The following SH3TC2 variants were observed in gnomAD, a reference collection of about 807,000 sequenced individuals.
SH3TC2 encodes SH3 domain and tetratricopeptide repeat-containing protein 2.
In SH3TC2, 87 loss-of-function variants were observed where a neutral mutation model predicts 124.5. The ratio of observed to expected loss-of-function variants is 0.70; its 90% confidence interval spans 0.59 to 0.84. The LOEUF (loss-of-function observed/expected upper bound fraction) is 0.84, where lower values mean the gene tolerates loss of function less well. Ranked by LOEUF, SH3TC2 falls within the 40% of genes least tolerant of loss-of-function variation. The pLI is 0.00. For missense variants in SH3TC2, 1,536 were observed against 1,566.4 expected (o/e 0.98, Z 0.33); for synonymous variants, 634 against 628.5 (o/e 1.01, Z -0.13).
rs539955221 is a variant in SH3TC2, at chr5:149,019,994, T to C, written c.3053+6578A>G. Among the ~76,000 whole-genome samples, 99 of 152,232 alleles carry C rather than the reference T, an allele frequency of 6.5e-4. 1 individual carries two copies. The highest frequency in any genetic ancestry group is 2.2e-3 in the African/African-American group (92 of 41,518). ...GTTTTCCTTTAACCTCACTCAGAGC[T>C]CACTCAGCGCAGAACAGCCTTTTCC... On this transcript the variant is annotated intron_variant, in intron 12 of 16. Transcript: ENST00000515425.
In SH3TC2 at chr5:148,996,204, G is replaced by T. The variant is rs1753507394; in HGVS notation, c.*8507C>A. ...GAGTCTAGAAGGTCGAGGTAGCAGTGAACCATGGCCACCCCACTGCACTCC... is the reference window on the plus strand; with the variant it reads ...GAGTCTAGAAGGTCGAGGTAGCAGTTAACCATGGCCACCCCACTGCACTCC... On this transcript the variant is annotated 3_prime_UTR_variant, in exon 17 of 17. Coordinates refer to ENST00000515425, the MANE Select transcript of SH3TC2 (RefSeq NM_024577.4). 6.6e-6 allele frequency among the ~76,000 whole-genome samples: 1 copy of T among 152,046 alleles called. No individual in the cohort carries two copies. The highest frequency in any genetic ancestry group is 6.6e-5 in the Admixed American group (1 of 15,258).
chr5:149,013,785 A>C (rs1211203224), intron 12 of SH3TC2, among the ~76,000 whole-genome samples: 1 of 152,214 alleles, frequency 6.6e-6, no homozygotes, highest in Non-Finnish European at 1.5e-5. Flanking sequence ...AGGAAGGAAC[A>C]CTGTGCATCA....
chr5:149,012,612 T>C lies in SH3TC2; in HGVS notation c.3176A>G (p.Glu1059Gly), dbSNP rs754977575. The C allele has an allele frequency of 6.2e-7, 1 of 1,614,138 alleles. No homozygotes were observed. The highest frequency in any genetic ancestry group is 1.7e-5 in the Admixed American group (1 of 60,022). The change falls in exon 13 of 17, where the codon GAA (glutamate) becomes GGA (glycine). Residue 1059 changes from glutamate (E) to glycine (G), a missense_variant. Glu to Gly is a moderately conservative substitution (Grantham distance 98). Around this residue, in one of 3 missense-constraint regions of SH3TC2, gnomAD observed 426 missense variants for 443.5 expected, o/e 0.96. Transcript: ENST00000515425. ...GAGRLHYLMQ[E>G]DELVELCLQA... ...CAGGCACAGCTCCACCAGCTCGTCT[T>C]CCTGCATGAGGTAGTGGAGTCGCCC...
Position 149,012,752 on chromosome 5 carries a change from C to T in SH3TC2, c.3054-18G>A, listed in dbSNP as rs1488886890. On this transcript the variant is annotated intron_variant, in intron 12 of 16. Transcript: ENST00000515425. ...TGAGGGACCTGGGGACAGACATGAACTTGTGAGGTGTGAAGGCTCAAAGGG... is the reference window on the plus strand; with the variant it reads ...TGAGGGACCTGGGGACAGACATGAATTTGTGAGGTGTGAAGGCTCAAAGGG... 4.3e-6 allele frequency: 7 copies of T among 1,613,852 alleles called. No homozygotes were observed. The Admixed American group carries it at 8.3e-5, about 19-fold the overall frequency.
chr5:149,052,430 T>G (rs1374775230), intron 1 of SH3TC2, among the ~76,000 whole-genome samples, 190 bp from the exon 2 acceptor site: 1 of 152,226 alleles, frequency 6.6e-6, no homozygotes, highest in Non-Finnish European at 1.5e-5. Flanking sequence ...ACATGCCATC[T>G]CAATCCAGCA....
At position 149,042,684 on chromosome 5, in the gene SH3TC2, C is replaced by T. The variant is rs768567281; in HGVS notation, c.529+10G>A. On this transcript the variant is annotated intron_variant, in intron 5 of 16. Transcript: ENST00000515425. ...ATAAGATCCCATCTCTACCCCTATG[C>T]CACACTCACCTTCCTGTATCAGGAG... 4.1e-5 allele frequency: 66 copies of T among 1,613,884 alleles called. No homozygotes were observed. The Middle Eastern group carries it at 4.9e-4, about 12-fold the overall frequency.
rs777981923 is a variant in SH3TC2, at chr5:149,004,769, G to C, written c.3809C>G (p.Pro1270Arg). Residue 1270 changes from proline to arginine, a missense_variant, in exon 17 of 17, where the codon CCC becomes CGC. Coordinates refer to ENST00000515425, the MANE Select transcript of SH3TC2 (RefSeq NM_024577.4). ...ICQSPLWHSRPSGCSSERARW... is the reference protein window; with the variant it reads ...ICQSPLWHSRRSGCSSERARW... ...CGCCCTCTCTGAGGAGCACCCGGAG[G>C]GCCTGCTGTGCCACAGGGGGCTCTG... 1.9e-6 allele frequency: 3 copies of C among 1,614,020 alleles called. No individual in the cohort carries two copies. Among genetic ancestry groups the C allele is most frequent in the Non-Finnish European group, 2.5e-6 (3 of 1,180,008 alleles).
intron 1 of SH3TC2, among the ~76,000 whole-genome samples, chr5:149,055,946 C>T (rs901433951): frequency 6.6e-6 from 1 of 151,998 alleles, no homozygotes; most frequent in Non-Finnish European, 1.5e-5. Context: ...AAATCCAATA[C>T]AACAATGAGA....
intron 12 of SH3TC2, among the ~76,000 whole-genome samples, chr5:149,013,273 G>C (rs568302098): frequency 1.4e-5 from 2 of 146,126 alleles, no homozygotes; most frequent in South Asian, 2.3e-4. Flanking sequence ...CCATGCTGCT[G>C]TTCTCATGAC....
In SH3TC2 at chr5:149,041,616, G is replaced by T. The variant is rs1194202836; in HGVS notation, c.531C>A (p.Gly177=). 7 of 1,614,132 alleles carry T rather than the reference G, an allele frequency of 4.3e-6. No individual in the cohort carries two copies. The highest frequency in any genetic ancestry group is 5.9e-6 in the Non-Finnish European group (7 of 1,180,008). The change falls in exon 6 of 17, where the codon GGC becomes GGA. Residue 177 remains glycine (G), a splice_region_variant and synonymous_variant. Transcript: ENST00000515425. ...AGCACAGGGCTCTGCAGAAGAAGTG[G>T]CCTGTGGATAATGAGAAAAGCAATG... ...TIYLGLLIQE[G]HFFCRALCSV... is the part of the protein sequence containing the mutation.
rs1164612567 is a variant in SH3TC2, at chr5:149,004,026, A to G, written c.*685T>C. On this transcript the variant is annotated 3_prime_UTR_variant, in exon 17 of 17. Coordinates refer to ENST00000515425, the MANE Select transcript of SH3TC2 (RefSeq NM_024577.4). The stretch of plus-strand genomic sequence containing the variant: ...TATGTCATAATTTTCTTAACATTCA[A>G]TTTCCAAGCCTTTGCTCTTGGAAAG... The G allele has an allele frequency of 5.2e-6, 1 of 192,778 alleles. No individual in the cohort carries two copies. Among genetic ancestry groups the G allele is most frequent in the Non-Finnish European group, 1.1e-5 (1 of 91,198 alleles). The allele number at this position is 192,778 out of a possible 1,614,324, so 11.9% of individuals were successfully genotyped here. A position where few individuals can be genotyped will look rare whatever the true frequency, so the allele number is the denominator to read the frequency against.
rs1753537634 is a variant in SH3TC2, at chr5:148,997,952, A to G, written c.*6759T>C. 1.3e-5 allele frequency among the ~76,000 whole-genome samples: 2 copies of G among 152,250 alleles called. No homozygotes were observed. The highest frequency in any genetic ancestry group is 6.5e-5 in the Admixed American group (1 of 15,286). The stretch of plus-strand genomic sequence containing the variant: ...GATGTACACACTCTCTGGTCTCAAA[A>G]AGAAGTAAGATATCCATCAAATAAT... On this transcript the variant is annotated 3_prime_UTR_variant, in exon 17 of 17. Transcript: ENST00000515425.
At chr5:149,031,769 G>A (rs1754198607) in intron 8 of SH3TC2, 82 bp from the exon 9 acceptor site, 1 of 1,591,130 alleles carries the variant, frequency 6.3e-7, no homozygotes, top group Middle Eastern at 2.2e-4. Flanking sequence ...CTAGGATGTA[G>A]TGGAGGATGC....
Position 149,004,897 on chromosome 5 carries a change from G to A in SH3TC2, c.3681C>T (p.Ala1227=), listed in dbSNP as rs760036395. 1.8e-5 allele frequency: 29 copies of A among 1,614,042 alleles called. No homozygotes were observed. The South Asian group carries it at 2.1e-4, about 12-fold the overall frequency. The change falls in exon 17 of 17, where the codon GCC becomes GCT. Residue 1227 remains alanine, a synonymous_variant. Transcript: ENST00000515425. ...GRLTFCQLKD[A]HDATEYFLLA... The stretch of plus-strand genomic sequence containing the variant: ...GAAGGAAGTACTCAGTGGCATCATG[G>A]GCATCCTAACCCCGTGGTATGGGGG...
intron 12 of SH3TC2, among the ~76,000 whole-genome samples, chr5:149,013,897 A>G (rs761827943): frequency 3.4e-4 from 51 of 152,210 alleles, no homozygotes; most frequent in Non-Finnish European, 6.6e-4. Context: ...CAACTTTATG[A>G]TAGCCTGAGC....
chr5:149,019,784 T>C (rs1373964570), intron 12 of SH3TC2, among the ~76,000 whole-genome samples: 1 of 152,212 alleles, frequency 6.6e-6, no homozygotes, highest in Non-Finnish European at 1.5e-5. Flanking sequence ...ACATCCTGCT[T>C]GTCCCTAGCT....
At chr5:149,058,448 T>C (rs1754688482) in intron 1 of SH3TC2, among the ~76,000 whole-genome samples, 1 of 152,224 alleles carries the variant, frequency 6.6e-6, no homozygotes, top group Non-Finnish European at 1.5e-5. Context: ...ACTTACGATG[T>C]TAATCACTTT....
intron 15 of SH3TC2, 96 bp from the exon 16 acceptor site, chr5:149,007,173 G>T: frequency 8.7e-7 from 1 of 1,147,632 alleles, no homozygotes; most frequent in Non-Finnish European, 1.3e-6. Flanking sequence ...AGGTCTACTA[G>T]ATGTCAGGGA....
At chr5:149,013,524 T>C (rs1000370879) in intron 12 of SH3TC2, among the ~76,000 whole-genome samples, 4 of 152,188 alleles carry the variant, frequency 2.6e-5, no homozygotes, top group Non-Finnish European at 4.4e-5. Context: ...TGCATACCTA[T>C]TGAGTGAATG....
Sources: allele counts gnomAD v4.1 joint callset (sites outside exome capture counted in the v4.1 genomes callset), GRCh38; gene constraint gnomAD v4.1.1; regional missense constraint gnomAD v4.1.1; transcripts MANE v1.5; gene names NCBI Gene and HGNC (gene_info 2026-07-23, HGNC 2026-07-21).